IFT52: variants seen among roughly 807,000 people sequenced by gnomAD.
IFT52 encodes the protein intraflagellar transport protein 52 homolog.
In IFT52, 44 loss-of-function variants were observed where a neutral mutation model predicts 54.4. That is an observed-to-expected ratio of 0.81 (90% CI 0.63 to 1.04). The LOEUF is 1.04. Among genes scored for constraint, IFT52 ranks in the 50% least tolerant of loss-of-function variants. IFT52 has a pLI of 0.00. For synonymous variants in IFT52, 181 were observed against 185.3 expected, an observed-to-expected ratio of 0.98 and a Z score of 0.19; for missense variants, 452 against 523.6, an observed-to-expected ratio of 0.86 and a Z score of 1.33.
At chr20:43,616,020 T>G (rs892690348) in intron 7 of IFT52, among the ~76,000 whole-genome samples, 41 of 151,746 alleles carry the variant, frequency 2.7e-4, no homozygotes, top group African/African-American at 7.5e-4. Flanking sequence ...AATCAGAGGG[T>G]TTTTTTTACC....
intron 10 of IFT52, among the ~76,000 whole-genome samples, chr20:43,629,366 G>T (rs920834731): frequency 7.0e-6 from 1 of 142,758 alleles, no homozygotes; most frequent in Non-Finnish European, 1.5e-5. Flanking sequence ...TCCGCCTCCC[G>T]GGTTCACGCC....
chr20:43,618,513 G>T (rs1275986518), intron 7 of IFT52, among the ~76,000 whole-genome samples: 1 of 151,598 alleles, frequency 6.6e-6, no homozygotes, highest in African/African-American at 2.4e-5. Flanking sequence ...ATGGAGTCTC[G>T]CTCTGTTGCC....
At position 43,605,190 on chromosome 20, in the gene IFT52, A is replaced by G; in HGVS notation, c.485+117A>G. On this transcript the variant is annotated intron_variant, in intron 6 of 13. Transcript: ENST00000373030. ...AAATAATCAGAATTTGAACAGTTCA[A>G]GAGGAAAAAAGTAGAAGCTCTGCAC... 13 of 1,485,032 alleles carry G rather than the reference A, an allele frequency of 8.8e-6. 1 individual carries two copies. In the South Asian group the frequency reaches 1.5e-4, roughly 18 times the overall value. 92.0% of individuals were successfully genotyped at this position (1,485,032 alleles called of 1,614,324 possible).
chr20:43,621,777 T>C (rs1459208230), intron 9 of IFT52, among the ~76,000 whole-genome samples: 1 of 152,236 alleles, frequency 6.6e-6, no homozygotes, highest in Non-Finnish European at 1.5e-5. Flanking sequence ...AGTTTTCTTA[T>C]CTGTGAACAG....
chr20:43,632,550 T>C (rs974017275), intron 10 of IFT52, among the ~76,000 whole-genome samples: 3 of 152,154 alleles, frequency 2.0e-5, no homozygotes, highest in Non-Finnish European at 4.4e-5. Flanking sequence ...CATGAGCCCC[T>C]GCACTCGGCC....
chr20:43,620,803 C>T, intron 8 of IFT52, 54 bp from the exon 9 acceptor site: 1 of 1,293,158 alleles, frequency 7.7e-7, no homozygotes, highest in South Asian at 1.3e-5. Context: ...TCCTGACCTT[C>T]AGCTTTTTCA....
intron 10 of IFT52, among the ~76,000 whole-genome samples, chr20:43,630,022 T>A (rs7264137): frequency 0.29 from 43,591 of 152,072 alleles, 7,540 homozygotes; most frequent in South Asian, 0.43. Flanking sequence ...GTGAGGGTGC[T>A]TTTAAGAAAC....
At chr20:43,614,748 A>G (rs545165963) in intron 7 of IFT52, among the ~76,000 whole-genome samples, 15 of 151,664 alleles carry the variant, frequency 9.9e-5, no homozygotes, top group Admixed American at 6.6e-4. Flanking sequence ...TAGAGACCCC[A>G]TAGAAATGTG....
chr20:43,618,239 A>G (rs1015814527), intron 7 of IFT52: 1 of 143,876 alleles, frequency 7.0e-6, no homozygotes, highest in African/African-American at 2.6e-5. Context: ...TTTAATTTTT[A>G]GAGACAGGGT....
chr20:43,618,904 G>A lies in IFT52; in HGVS notation c.613-36G>A, dbSNP rs999466578. ...ACTAGGATACATGAGATGCACTTTC[G>A]GATTTGAGTATCTGACCCTGCTTTG... On this transcript the variant is annotated intron_variant, in intron 7 of 13. Coordinates refer to ENST00000373030, the MANE Select transcript of IFT52 (RefSeq NM_016004.5). 9.1e-6 allele frequency: 13 copies of A among 1,429,526 alleles called. 1 individual carries two copies. Among genetic ancestry groups the A allele is most frequent in the South Asian group, 4.6e-5 (4 of 86,254 alleles). 88.6% of individuals were successfully genotyped at this position (1,429,526 alleles called of 1,614,324 possible).
intron 10 of IFT52, 150 bp from the exon 11 acceptor site, chr20:43,635,776 A>G: frequency 1.6e-6 from 1 of 640,404 alleles, no homozygotes; most frequent in Admixed American, 2.5e-5. Flanking sequence ...CTTTGGGTGT[A>G]TACCCAGTAA....
At chr20:43,615,282 T>TC (rs919528888) in intron 7 of IFT52, among the ~76,000 whole-genome samples, 21 of 150,256 alleles carry the variant, frequency 1.4e-4, no homozygotes, top group African/African-American at 2.9e-4. Flanking sequence ...GCTCAGGCAA[T>TC]CCCCCCCACC....
intron 12 of IFT52, among the ~76,000 whole-genome samples, chr20:43,641,722 C>T (rs112899723): frequency 0.013 from 1,935 of 152,044 alleles, 47 homozygotes; most frequent in African/African-American, 0.044. Context: ...TCTCGAACTC[C>T]TGACCTCGTG....
At chr20:43,600,628 C>T (rs1278888133) in intron 3 of IFT52, among the ~76,000 whole-genome samples, 2 of 151,924 alleles carry the variant, frequency 1.3e-5, no homozygotes, top group Non-Finnish European at 2.9e-5. Context: ...TGGGTACCTC[C>T]GAATTCAGTA....
Position 43,625,940 on chromosome 20 carries a change from G to T in IFT52, c.923+1895G>T, listed in dbSNP as rs1396863584. On this transcript the variant is annotated intron_variant, in intron 10 of 13. Transcript: ENST00000373030. Reference sequence around the variant, plus strand: ...GGCATGAGTTACTTGGGAGGCTGAGGTGGGAGGATTGCTTGGGCCCCAAAG... The same window carrying T: ...GGCATGAGTTACTTGGGAGGCTGAGTTGGGAGGATTGCTTGGGCCCCAAAG... Among the ~76,000 whole-genome samples the T allele has an allele frequency of 3.3e-5, 5 of 150,510 alleles. No homozygotes were observed. In the South Asian group the frequency reaches 6.4e-4, roughly 19 times the overall value.
In IFT52 at chr20:43,635,892, T is replaced by C. The variant is rs745346671; in HGVS notation, c.924-34T>C. 7 of 1,597,268 alleles carry C rather than the reference T, an allele frequency of 4.4e-6. No individual in the cohort carries two copies. The South Asian group carries it at 5.5e-5, about 13-fold the overall frequency. On this transcript the variant is annotated intron_variant, in intron 10 of 13. Transcript: ENST00000373030. The stretch of plus-strand genomic sequence containing the variant: ...TTAGACGTGCTGAGCTATAGTGTCT[T>C]GATCCCTGCTTTTTTGTTTGATTAT...
At chr20:43,622,705 A>G (rs1407584576) in intron 9 of IFT52, among the ~76,000 whole-genome samples, 2 of 147,116 alleles carry the variant, frequency 1.4e-5, no homozygotes, top group Non-Finnish European at 3.0e-5. Context: ...ATATAAATAT[A>G]TACATATTTT....
In IFT52 at chr20:43,600,397, C is replaced by T. The variant is rs569254783; in HGVS notation, c.208-3363C>T. Among the ~76,000 whole-genome samples the T allele has an allele frequency of 3.3e-5, 5 of 151,810 alleles. No individual in the cohort carries two copies. In the East Asian group the frequency reaches 7.8e-4, roughly 24 times the overall value. ...TCAGCTCACTGCAAGCTCCGCCTCC[C>T]GGGTTCACGCCATTCTCCTGCCTCA... On this transcript the variant is annotated intron_variant, in intron 3 of 13. Coordinates refer to ENST00000373030, the MANE Select transcript of IFT52 (RefSeq NM_016004.5).
In IFT52 at chr20:43,626,043, A is replaced by G. The variant is rs1600497187; in HGVS notation, c.923+1998A>G. Among the ~76,000 whole-genome samples, 8 of 150,106 alleles carry G rather than the reference A, an allele frequency of 5.3e-5. No homozygotes were observed. The South Asian group carries it at 1.7e-3, about 32-fold the overall frequency. ...TCCGGAAAAAAAAAAAAAAAAAAAAAGTTGCAATAACTGAGTTGAGAAAGA... is the reference window on the plus strand; with the variant it reads ...TCCGGAAAAAAAAAAAAAAAAAAAAGGTTGCAATAACTGAGTTGAGAAAGA... On this transcript the variant is annotated intron_variant, in intron 10 of 13. Coordinates refer to ENST00000373030, the MANE Select transcript of IFT52 (RefSeq NM_016004.5).
Sources: allele counts gnomAD v4.1 joint callset (sites outside exome capture counted in the v4.1 genomes callset), GRCh38; gene constraint gnomAD v4.1.1; transcripts MANE v1.5; gene names NCBI Gene and HGNC (gene_info 2026-07-23, HGNC 2026-07-21).